RBMS3: variants seen among roughly 807,000 people sequenced by gnomAD.
The protein encoded by RBMS3 is RNA binding motif single stranded interacting protein 3.
A neutral mutation model predicts 66.8 loss-of-function variants in RBMS3; 27 were observed. The ratio of observed to expected loss-of-function variants is 0.40; its 90% confidence interval spans 0.30 to 0.56. The LOEUF is 0.56. Ranked by LOEUF, RBMS3 falls within the 20% of genes least tolerant of loss-of-function variation. RBMS3 has a pLI of 0.40. For missense variants in RBMS3, 513 were observed against 549.5 expected (o/e 0.93, Z 0.66); for synonymous variants, 188 against 183.0 (o/e 1.03, Z -0.22).
At chr3:29,516,746 GAA>G (rs1311863131) in intron 3 of RBMS3, among the ~76,000 whole-genome samples, 1 of 152,116 alleles carries the variant, frequency 6.6e-6, no homozygotes, top group Non-Finnish European at 1.5e-5. Context: ...AGAGCAAGCT[GAA>G]AATATCAGAG....
intron 1 of RBMS3, among the ~76,000 whole-genome samples, chr3:29,366,422 T>C (rs79135554): frequency 0.023 from 3,489 of 152,272 alleles, 137 homozygotes; most frequent in African/African-American, 0.08. Flanking sequence ...GGTCTTGCTT[T>C]GTTGTCTAGA....
At chr3:29,924,175 G>T (rs2060868673) in intron 10 of RBMS3, among the ~76,000 whole-genome samples, 1 of 152,138 alleles carries the variant, frequency 6.6e-6, no homozygotes, top group Admixed American at 6.5e-5. Flanking sequence ...GTAAGGAAAT[G>T]GTTGCCATTG....
intron 3 of RBMS3, among the ~76,000 whole-genome samples, chr3:29,580,297 C>T (rs2047279890): frequency 6.6e-6 from 1 of 152,170 alleles, no homozygotes; most frequent in Non-Finnish European, 1.5e-5. Flanking sequence ...GTAGTGATTA[C>T]TCTCTATATC....
intron 3 of RBMS3, among the ~76,000 whole-genome samples, chr3:29,510,344 C>T (rs2044348152): frequency 6.6e-6 from 1 of 152,270 alleles, no homozygotes; most frequent in East Asian, 1.9e-4. Context: ...ACCATTCAGT[C>T]TTTACTCAGC....
chr3:29,516,860 A>G (rs2044646850), intron 3 of RBMS3, among the ~76,000 whole-genome samples: 2 of 152,186 alleles, frequency 1.3e-5, no homozygotes, highest in Non-Finnish European at 1.5e-5. Flanking sequence ...GGAGATGTTG[A>G]GTTAGCAATT....
At chr3:29,602,462 C>A (rs770521109) in intron 4 of RBMS3, among the ~76,000 whole-genome samples, 1 of 151,996 alleles carries the variant, frequency 6.6e-6, no homozygotes, top group Non-Finnish European at 1.5e-5. Flanking sequence ...GGCTGGAGTT[C>A]TCATAGGGAC....
intron 1 of RBMS3, among the ~76,000 whole-genome samples, chr3:29,399,053 G>T (rs1013787391): frequency 6.6e-6 from 1 of 152,106 alleles, no homozygotes; most frequent in Admixed American, 6.6e-5. Context: ...CTGAAGCTTT[G>T]AAAAATCATT....
intron 6 of RBMS3, among the ~76,000 whole-genome samples, chr3:29,780,291 T>C (rs977730934): frequency 2.0e-5 from 3 of 149,294 alleles, no homozygotes; most frequent in African/African-American, 7.3e-5. Context: ...TTGAAACTGC[T>C]TGAGTTAAGT....
At chr3:29,686,183 C>A (rs2051724855) in intron 4 of RBMS3, among the ~76,000 whole-genome samples, 1 of 152,142 alleles carries the variant, frequency 6.6e-6, no homozygotes, top group Admixed American at 6.5e-5. Context: ...CTTGAGTTTT[C>A]ATTTGCTTCA....
At chr3:29,802,312 CA>C (rs1456966347) in intron 6 of RBMS3, among the ~76,000 whole-genome samples, 3 of 152,166 alleles carry the variant, frequency 2.0e-5, no homozygotes, top group Non-Finnish European at 4.4e-5. Context: ...CTTTCTTCTA[CA>C]GATTCTTAGA....
intron 6 of RBMS3, among the ~76,000 whole-genome samples, chr3:29,773,808 G>A (rs1326642525): frequency 6.6e-6 from 1 of 152,048 alleles, no homozygotes; most frequent in Non-Finnish European, 1.5e-5. Context: ...CAATATCCCA[G>A]TTCTTCTGCT....
chr3:29,484,057 T>G (rs17673716), intron 2 of RBMS3, among the ~76,000 whole-genome samples: 6,385 of 152,338 alleles, frequency 0.042, 169 homozygotes, highest in Admixed American at 0.096. Flanking sequence ...GTGAGACTTC[T>G]AGGCTTCTGT....
At chr3:29,773,753 C>T (rs2056314024) in intron 6 of RBMS3, among the ~76,000 whole-genome samples, 1 of 152,096 alleles carries the variant, frequency 6.6e-6, no homozygotes. Flanking sequence ...TTTACATCCC[C>T]ATTCGGGGCC....
intron 4 of RBMS3, among the ~76,000 whole-genome samples, chr3:29,720,116 T>G (rs75857325): frequency 0.094 from 13,709 of 145,492 alleles, 788 homozygotes; most frequent in Non-Finnish European, 0.14. Flanking sequence ...GCTAGCTCCC[T>G]CTGTTGCACC....
chr3:29,444,475 G>C (rs1488438275), intron 2 of RBMS3, among the ~76,000 whole-genome samples: 1 of 152,032 alleles, frequency 6.6e-6, no homozygotes, highest in Non-Finnish European at 1.5e-5. Flanking sequence ...GGTTCTAAGA[G>C]AATGAGAAAC....
chr3:29,972,217 A>C (rs2149761901), intron 12 of RBMS3, among the ~76,000 whole-genome samples: 1 of 151,414 alleles, frequency 6.6e-6, no homozygotes, highest in African/African-American at 2.4e-5. Context: ...TTTACTTTGA[A>C]CTCCTCACAG....
intron 7 of RBMS3, among the ~76,000 whole-genome samples, chr3:29,873,017 T>A (rs528866540): frequency 1.3e-5 from 2 of 152,326 alleles, no homozygotes; most frequent in Admixed American, 1.3e-4. Context: ...TAGTTTGAAG[T>A]CAGGTAACAT....
chr3:30,007,250 A>T lies in RBMS3; in HGVS notation c.*3388A>T, dbSNP rs1699826035. On this transcript the variant is annotated 3_prime_UTR_variant, in exon 15 of 15. Coordinates refer to ENST00000383767, the MANE Select transcript of RBMS3 (RefSeq NM_001003793.3). Reference sequence around the variant, plus strand: ...AAATTTAATCAACAAAATATATTGTAGTGATTTGTTTGTTTGTTTGTTTGA... The same window carrying T: ...AAATTTAATCAACAAAATATATTGTTGTGATTTGTTTGTTTGTTTGTTTGA... The T allele has an allele frequency of 1.3e-5, 2 of 152,036 alleles. No homozygotes were observed. The highest frequency in any genetic ancestry group is 4.8e-5 in the African/African-American group (2 of 41,416). The allele number at this position is 152,036 out of a possible 1,614,324, so 9.4% of individuals were successfully genotyped here.
intron 4 of RBMS3, among the ~76,000 whole-genome samples, chr3:29,703,812 G>A (rs1472234231): frequency 6.6e-6 from 1 of 152,160 alleles, no homozygotes; most frequent in Non-Finnish European, 1.5e-5. Flanking sequence ...GGCCACACAG[G>A]TAGGAACTGG....
Sources: gnomAD v4.1 joint callset for allele counts (sites outside exome capture counted in the v4.1 genomes callset) on GRCh38, gnomAD v4.1.1 for gene constraint, MANE v1.5 for transcripts, NCBI Gene and HGNC (gene_info 2026-07-23, HGNC 2026-07-21) for gene names.